METAP1: variants seen among roughly 807,000 people sequenced by gnomAD.
METAP1 encodes methionyl aminopeptidase 1.
In METAP1, 28 loss-of-function variants were observed where a neutral mutation model predicts 53.8. The ratio of observed to expected loss-of-function variants is 0.52; its 90% CI spans 0.39 to 0.71. The LOEUF is 0.71. Ranked by LOEUF, METAP1 falls within the 30% of genes least tolerant of loss-of-function variation. The pLI, the probability that METAP1 is intolerant of heterozygous loss-of-function variation, is 0.00. For synonymous variants in METAP1, 181 were observed against 165.7 expected (o/e 1.09, Z -0.71); for missense variants, 389 against 479.8 (o/e 0.81, Z 1.77).
rs1260134094 is a variant in METAP1, at chr4:99,057,781, G to A, written c.960G>A (p.Ser320=). 3.8e-6 allele frequency: 6 copies of A among 1,595,788 alleles called. No individual in the cohort carries two copies. The highest frequency in any genetic ancestry group is 3.4e-5 in the South Asian group (3 of 87,538). The stretch of plus-strand genomic sequence containing the variant: ...ATAAAGCAGTTGGAGTGATGAAGTC[G>A]GGCCATGTATTTACAATTGAGCCAA... ...AKNKAVGVMK[S]GHVFTIEPMI... is the part of the protein sequence containing the mutation. The change falls in exon 10 of 11, where the codon TCG becomes TCA. Residue 320 remains serine (S), a synonymous_variant. Coordinates refer to ENST00000296411, the MANE Select transcript of METAP1 (RefSeq NM_015143.3).
intron 9 of METAP1, among the ~76,000 whole-genome samples, chr4:99,056,639 C>T (rs547545897): frequency 2.0e-5 from 3 of 147,692 alleles, no homozygotes; most frequent in East Asian, 4.1e-4. Context: ...GGCACAATCT[C>T]GGCTCACTGC....
At chr4:99,029,605 A>G (rs935650284) in intron 2 of METAP1, among the ~76,000 whole-genome samples, 11 of 152,198 alleles carry the variant, frequency 7.2e-5, no homozygotes, top group Non-Finnish European at 1.3e-4. Context: ...TAGCATTGCC[A>G]TCCTGATGGA....
chr4:99,028,383 TA>T (rs1184573630), intron 1 of METAP1, among the ~76,000 whole-genome samples: 2 of 152,148 alleles, frequency 1.3e-5, no homozygotes, highest in African/African-American at 2.4e-5. Context: ...GCAATAGTGG[TA>T]AACTTTGATA....
chr4:99,007,716 G>A (rs1227703714), intron 1 of METAP1, among the ~76,000 whole-genome samples: 2 of 152,102 alleles, frequency 1.3e-5, no homozygotes, highest in African/African-American at 4.8e-5. Context: ...GCTTTGGATT[G>A]TTTTCTTTTT....
At chr4:99,032,154 T>C (rs956286757) in intron 2 of METAP1, among the ~76,000 whole-genome samples, 1 of 152,196 alleles carries the variant, frequency 6.6e-6, no homozygotes, top group Non-Finnish European at 1.5e-5. Context: ...ACTTGCCATA[T>C]TCAACTTTAG....
intron 1 of METAP1, among the ~76,000 whole-genome samples, chr4:99,025,734 C>T (rs530385686): frequency 6.6e-5 from 10 of 152,292 alleles, no homozygotes; most frequent in South Asian, 6.2e-4. Flanking sequence ...GGGATTTGGA[C>T]GTGCCTCATT....
intron 3 of METAP1, among the ~76,000 whole-genome samples, chr4:99,034,552 C>G (rs939367557): frequency 2.0e-5 from 3 of 152,056 alleles, no homozygotes; most frequent in African/African-American, 7.2e-5. Flanking sequence ...GATGAAAGAA[C>G]TAAAACTTTT....
chr4:99,024,723 A>AT (rs1724430598), intron 1 of METAP1, among the ~76,000 whole-genome samples: 1 of 152,234 alleles, frequency 6.6e-6, no homozygotes, highest in Non-Finnish European at 1.5e-5. Context: ...CTCCTGAAAC[A>AT]TAATTTCTAA....
intron 9 of METAP1, among the ~76,000 whole-genome samples, chr4:99,056,644 C>T (rs1329377879): frequency 6.6e-6 from 1 of 151,930 alleles, no homozygotes; most frequent in Non-Finnish European, 1.5e-5. Flanking sequence ...AATCTCGGCT[C>T]ACTGCAAGCT....
Position 99,023,216 on chromosome 4 carries a change from C to A in METAP1, c.115-5651C>A, listed in dbSNP as rs957188777. ...TTTGCATGGTTAAATCACAATTTAA[C>A]CTATTTTATATTGATGTATATCTAA... On this transcript the variant is annotated intron_variant, in intron 1 of 10. Coordinates refer to ENST00000296411, the MANE Select transcript of METAP1 (RefSeq NM_015143.3). 15 of 485,148 alleles carry A rather than the reference C, an allele frequency of 3.1e-5. 1 individual carries two copies. Among genetic ancestry groups the A allele is most frequent in the African/African-American group, 3.0e-4 (15 of 50,626 alleles). 30.1% of individuals were successfully genotyped at this position (485,148 alleles called of 1,614,324 possible). A position where few individuals can be genotyped will look rare whatever the true frequency, so the allele number is the denominator to read the frequency against.
At chr4:99,008,007 A>G (rs940653866) in intron 1 of METAP1, among the ~76,000 whole-genome samples, 2 of 152,194 alleles carry the variant, frequency 1.3e-5, no homozygotes, top group African/African-American at 4.8e-5. Flanking sequence ...GACATCTTCA[A>G]GGAATATTGC....
chr4:99,053,665 T>A (rs1726890602), intron 9 of METAP1, among the ~76,000 whole-genome samples: 1 of 152,164 alleles, frequency 6.6e-6, no homozygotes, highest in Non-Finnish European at 1.5e-5. Context: ...TTAGAAAATG[T>A]ATTTCTTAAA....
intron 1 of METAP1, among the ~76,000 whole-genome samples, chr4:99,013,400 C>T (rs1579252443): frequency 1.3e-5 from 2 of 152,152 alleles, no homozygotes; most frequent in African/African-American, 4.8e-5. Flanking sequence ...CTGGACTAGG[C>T]ATTATTCCCC....
chr4:99,026,272 GT>G, intron 1 of METAP1: 1 of 985,036 alleles, frequency 1.0e-6, no homozygotes, highest in Non-Finnish European at 1.2e-6. Context: ...GAAAACTAAA[GT>G]TTTACCTACT....
At chr4:99,043,582 C>G (rs1014702869) in intron 7 of METAP1, among the ~76,000 whole-genome samples, 195 bp downstream of exon 7, 2 of 152,058 alleles carry the variant, frequency 1.3e-5, no homozygotes, top group African/African-American at 4.8e-5. Flanking sequence ...AAGATACTTC[C>G]GGTGTGATGT....
chr4:99,011,962 C>G (rs573310508), intron 1 of METAP1, among the ~76,000 whole-genome samples: 2 of 152,100 alleles, frequency 1.3e-5, no homozygotes, highest in Admixed American at 6.5e-5. Context: ...CAAAACAAAA[C>G]AAAACAAAAT....
At chr4:99,005,666 A>C (rs926577087) in intron 1 of METAP1, 11 of 280,608 alleles carry the variant, frequency 3.9e-5, no homozygotes, top group Non-Finnish European at 6.5e-5. Flanking sequence ...ATAGGGAACC[A>C]ACCTAAGTGT....
At chr4:99,000,653 G>GTCT (rs1397151511) in intron 1 of METAP1, among the ~76,000 whole-genome samples, 1 of 136,468 alleles carries the variant, frequency 7.3e-6, no homozygotes, top group Non-Finnish European at 1.6e-5. Context: ...CAGGAAGAAA[G>GTCT]TCTTTTTTTT....
intron 4 of METAP1, among the ~76,000 whole-genome samples, chr4:99,037,456 T>A (rs1725515161): frequency 1.3e-5 from 2 of 152,002 alleles, no homozygotes; most frequent in Non-Finnish European, 2.9e-5. Context: ...ATGATAAAAA[T>A]CATTTGTATA....
Sources: allele counts gnomAD v4.1 joint callset (sites outside exome capture counted in the v4.1 genomes callset), GRCh38; gene constraint gnomAD v4.1.1; transcripts MANE v1.5; gene names NCBI Gene and HGNC (gene_info 2026-07-23, HGNC 2026-07-21).